PDE7B: variants seen among roughly 807,000 people sequenced by gnomAD.
PDE7B encodes 3',5'-cyclic-AMP phosphodiesterase 7B.
In PDE7B, 29 loss-of-function variants were observed where a neutral mutation model predicts 56.2. The observed-to-expected ratio is 0.52, with a 90% CI of 0.38 to 0.70. PDE7B has a LOEUF of 0.70. Among genes scored for constraint, PDE7B ranks in the 30% least tolerant of loss-of-function variants. The pLI is 0.00. For missense variants in PDE7B, 490 were observed against 565.0 expected, an observed-to-expected ratio of 0.87 and a Z score of 1.35; for synonymous variants, 197 against 196.9, an observed-to-expected ratio of 1.00 and a Z score of 0.00.
At chr6:135,906,820 T>TG (rs562029732) in intron 1 of PDE7B, among the ~76,000 whole-genome samples, 6 of 145,758 alleles carry the variant, frequency 4.1e-5, no homozygotes, top group East Asian at 2.0e-4. Context: ...GTTTTTTTTT[T>TG]TTTTTTTTTT....
chr6:135,913,923 A>G (rs1045136413), intron 1 of PDE7B, among the ~76,000 whole-genome samples: 1 of 152,200 alleles, frequency 6.6e-6, no homozygotes, highest in African/African-American at 2.4e-5. Context: ...CAACTATGCC[A>G]CTTTTTTTCT....
intron 1 of PDE7B, among the ~76,000 whole-genome samples, chr6:135,868,463 T>C (rs1328965104): frequency 4.6e-5 from 7 of 152,138 alleles, no homozygotes; most frequent in Admixed American, 3.9e-4. Flanking sequence ...AGTCTCGCTC[T>C]GTCACCCAGT....
At chr6:136,049,500 T>G (rs553237158) in intron 2 of PDE7B, 1 of 152,044 alleles carries the variant, frequency 6.6e-6, no homozygotes, top group Non-Finnish European at 1.5e-5. Context: ...TATCTTATAA[T>G]GTAGTGTGTT....
intron 3 of PDE7B, among the ~76,000 whole-genome samples, chr6:136,127,341 A>C (rs746884124): frequency 6.6e-6 from 1 of 152,142 alleles, no homozygotes; most frequent in Non-Finnish European, 1.5e-5. Flanking sequence ...CATTGAACTC[A>C]TAAATCCCAA....
At position 136,191,191 on chromosome 6, in the gene PDE7B, A is replaced by G. The variant is rs535163509; in HGVS notation, c.1127-423A>G. Reference sequence around the variant, plus strand: ...GTATTCTCTTTAGCGTCTTTTTGCAAGTGAGGAAACTGAGGCACAAAGCCA... The same window carrying G: ...GTATTCTCTTTAGCGTCTTTTTGCAGGTGAGGAAACTGAGGCACAAAGCCA... On this transcript the variant is annotated intron_variant, in intron 12 of 12. Coordinates refer to ENST00000308191, the MANE Select transcript of PDE7B (RefSeq NM_018945.4). Among the ~76,000 whole-genome samples, 38 of 152,152 alleles carry G rather than the reference A, an allele frequency of 2.5e-4. 1 individual carries two copies. The highest frequency in any genetic ancestry group is 5.8e-4 in the East Asian group (3 of 5,178).
chr6:136,190,880 C>A (rs938822339), intron 12 of PDE7B, among the ~76,000 whole-genome samples: 1 of 152,022 alleles, frequency 6.6e-6, no homozygotes. Flanking sequence ...GTAAAATGAT[C>A]ATCTTGAAAA....
At chr6:135,947,054 T>C (rs982449607) in intron 1 of PDE7B, among the ~76,000 whole-genome samples, 4 of 152,124 alleles carry the variant, frequency 2.6e-5, no homozygotes, top group African/African-American at 9.6e-5. Context: ...TTATGTTTGA[T>C]AGTATCTGTG....
intron 2 of PDE7B, among the ~76,000 whole-genome samples, chr6:135,976,621 G>C (rs889054864): frequency 6.6e-6 from 1 of 151,828 alleles, no homozygotes; most frequent in Admixed American, 6.6e-5. Context: ...AAGTAAAATG[G>C]GGAAGACAGC....
intron 2 of PDE7B, among the ~76,000 whole-genome samples, chr6:135,972,191 A>T (rs1443822207): frequency 7.6e-6 from 1 of 130,860 alleles, no homozygotes; most frequent in African/African-American, 3.0e-5. Flanking sequence ...CCAAGATTGC[A>T]CCATTACACT....
At chr6:135,866,426 A>G (rs1242165450) in intron 1 of PDE7B, among the ~76,000 whole-genome samples, 1 of 152,150 alleles carries the variant, frequency 6.6e-6, no homozygotes, top group East Asian at 1.9e-4. Context: ...AAGCATTACA[A>G]TCTCATCAGA....
intron 2 of PDE7B, among the ~76,000 whole-genome samples, chr6:136,093,193 C>G (rs993460224): frequency 5.3e-5 from 8 of 152,150 alleles, no homozygotes; most frequent in African/African-American, 1.9e-4. Context: ...TGCTGCTTGT[C>G]AGGGGTATGT....
intron 1 of PDE7B, among the ~76,000 whole-genome samples, chr6:135,937,969 T>C (rs983762274): frequency 4.6e-5 from 7 of 152,224 alleles, no homozygotes; most frequent in East Asian, 1.9e-4. Flanking sequence ...GGCCCCATTA[T>C]GGTTTTAGGG....
chr6:136,116,193 G>C lies in PDE7B; in HGVS notation c.166+7379G>C, dbSNP rs545101831. Among the ~76,000 whole-genome samples, 34 of 152,332 alleles carry C rather than the reference G, an allele frequency of 2.2e-4. No homozygotes were observed. In the East Asian group the frequency reaches 4.2e-3, roughly 19 times the overall value. On this transcript the variant is annotated intron_variant, in intron 3 of 12. Transcript: ENST00000308191. ...GTGCTAAACACTGAAAGATAAGACA[G>C]TGTTGACTGATTAAGGAGTTGCCTA...
At chr6:135,998,508 GCA>G (rs1482872203) in intron 2 of PDE7B, among the ~76,000 whole-genome samples, 1 of 148,616 alleles carries the variant, frequency 6.7e-6, no homozygotes, top group Non-Finnish European at 1.5e-5. Context: ...TGTAATCCCA[GCA>G]CTTTGGGAGG....
intron 2 of PDE7B, among the ~76,000 whole-genome samples, chr6:136,103,918 C>T (rs908572576): frequency 1.3e-5 from 2 of 152,196 alleles, no homozygotes; most frequent in African/African-American, 2.4e-5. Flanking sequence ...AAGTTGTCAT[C>T]GCTGTCAGAG....
intron 2 of PDE7B, chr6:136,094,785 A>G (rs1208077053): frequency 2.6e-5 from 4 of 152,218 alleles, no homozygotes; most frequent in Non-Finnish European, 4.4e-5. Flanking sequence ...AGAGCCTGGC[A>G]CATAGTAGGC....
At chr6:136,089,409 A>G (rs959605672) in intron 2 of PDE7B, among the ~76,000 whole-genome samples, 1 of 152,264 alleles carries the variant, frequency 6.6e-6, no homozygotes, top group Non-Finnish European at 1.5e-5. Context: ...AGAAAAGAGA[A>G]GACTACAAAC....
intron 8 of PDE7B, among the ~76,000 whole-genome samples, chr6:136,156,928 C>T (rs375411375): frequency 1.3e-5 from 2 of 152,146 alleles, no homozygotes; most frequent in East Asian, 3.9e-4. Context: ...AAGTTCAGTT[C>T]AACAAACTGT....
intron 2 of PDE7B, among the ~76,000 whole-genome samples, chr6:136,085,198 AG>A (rs1777271977): frequency 6.6e-6 from 1 of 152,212 alleles, no homozygotes; most frequent in Non-Finnish European, 1.5e-5. Context: ...CCAGAGTTAC[AG>A]GATCTTTTTG....
Sources: gnomAD v4.1 joint callset for allele counts (sites outside exome capture counted in the v4.1 genomes callset) on GRCh38, gnomAD v4.1.1 for gene constraint, MANE v1.5 for transcripts, NCBI Gene and HGNC (gene_info 2026-07-23, HGNC 2026-07-21) for gene names.